TRIM2: variants seen among roughly 807,000 people sequenced by gnomAD.
TRIM2 encodes the protein tripartite motif containing 2, also known as tripartite motif-containing protein 2.
TRIM2 carries 20 observed loss-of-function variants against 75.2 expected under a neutral mutation model. The ratio of observed to expected loss-of-function variants is 0.27; its 90% CI spans 0.19 to 0.39. The LOEUF (loss-of-function observed/expected upper bound fraction) is 0.39, where lower values mean the gene tolerates loss of function less well. TRIM2 is among the 10% of genes least tolerant of loss of function. The probability of loss-of-function intolerance (pLI) is 1.00; values close to 1 mark genes in which losing one functional copy is unlikely to be tolerated. For missense variants in TRIM2, 660 were observed against 990.8 expected, an observed-to-expected ratio of 0.67 and a Z score of 4.48; for synonymous variants, 373 against 388.3, an observed-to-expected ratio of 0.96 and a Z score of 0.46.
intron 1 of TRIM2, among the ~76,000 whole-genome samples, chr4:153,182,677 T>G (rs1270026485): frequency 1.3e-5 from 2 of 152,244 alleles, no homozygotes; most frequent in Admixed American, 6.5e-5. Context: ...TTTTATGATC[T>G]TATGGATTTC....
chr4:153,238,239 T>C (rs1274235125), intron 1 of TRIM2, among the ~76,000 whole-genome samples: 3 of 152,224 alleles, frequency 2.0e-5, no homozygotes, highest in Non-Finnish European at 1.5e-5. Context: ...ATAAGCCAAT[T>C]AACACATCAT....
chr4:153,220,141 T>C (rs1045896628), intron 1 of TRIM2, among the ~76,000 whole-genome samples: 3 of 152,120 alleles, frequency 2.0e-5, no homozygotes, highest in Non-Finnish European at 4.4e-5. Context: ...TGAGCCAGAA[T>C]TGGGTTAGAA....
Position 153,335,104 on chromosome 4 carries a change from G to GT in TRIM2, c.*139dup. On this transcript the variant is annotated 3_prime_UTR_variant, in exon 12 of 12. Transcript: ENST00000338700. ...GAACTTTCCAAGGTTATTTCTGAATGTAACAATTTCCTTAAAAATGACTTA... is the reference window on the plus strand; with the variant it reads ...GAACTTTCCAAGGTTATTTCTGAATGTTAACAATTTCCTTAAAAATGACTTA... 2 of 1,305,794 alleles carry GT rather than the reference G, an allele frequency of 1.5e-6. No homozygotes were observed. The highest frequency in any genetic ancestry group is 1.5e-5 in the African/African-American group (1 of 66,820). The allele number at this position is 1,305,794 out of a possible 1,614,324, so 80.9% of individuals were successfully genotyped here. A position where few individuals can be genotyped will look rare whatever the true frequency, so the allele number is the denominator to read the frequency against.
intron 8 of TRIM2, among the ~76,000 whole-genome samples, chr4:153,321,434 T>C (rs1272901821): frequency 6.6e-6 from 1 of 152,092 alleles, no homozygotes; most frequent in East Asian, 1.9e-4. Flanking sequence ...TCATGGCAAA[T>C]AGACATTTAA....
chr4:153,220,282 G>GT (rs1739589377), intron 1 of TRIM2, among the ~76,000 whole-genome samples: 1 of 150,340 alleles, frequency 6.7e-6, no homozygotes, highest in East Asian at 1.9e-4. Context: ...AAAGCTTTAG[G>GT]AAAAAAAAAA....
intron 3 of TRIM2, among the ~76,000 whole-genome samples, chr4:153,289,293 T>C (rs770044980): frequency 3.9e-5 from 6 of 152,178 alleles, no homozygotes; most frequent in Non-Finnish European, 7.3e-5. Flanking sequence ...TTTATATTTT[T>C]TTCGTTCCCC....
Position 153,335,573 on chromosome 4 carries a change from C to T in TRIM2, c.*607C>T, listed in dbSNP as rs1381437551. Reference sequence around the variant, plus strand: ...AGAACTTAAGTATCAGTGCAAATTTCTCAACCTTTCTGGGTTAGACAAAGA... The same window carrying T: ...AGAACTTAAGTATCAGTGCAAATTTTTCAACCTTTCTGGGTTAGACAAAGA... On this transcript the variant is annotated 3_prime_UTR_variant, in exon 12 of 12. Transcript: ENST00000338700. 1 of 985,312 alleles carries T rather than the reference C, an allele frequency of 1.0e-6. No individual in the cohort carries two copies. The highest frequency in any genetic ancestry group is 1.7e-5 in the African/African-American group (1 of 57,232). The allele number at this position is 985,312 out of a possible 1,614,324, so 61.0% of individuals were successfully genotyped here.
intron 3 of TRIM2, among the ~76,000 whole-genome samples, chr4:153,287,086 T>C (rs1760810002): frequency 6.6e-6 from 1 of 152,036 alleles, no homozygotes; most frequent in Non-Finnish European, 1.5e-5. Flanking sequence ...TCAATTGATA[T>C]TCCTGCCTCA....
At chr4:153,196,557 C>A (rs1015089651) in intron 1 of TRIM2, among the ~76,000 whole-genome samples, 13 of 152,154 alleles carry the variant, frequency 8.5e-5, no homozygotes, top group Non-Finnish European at 1.3e-4. Flanking sequence ...CATGGAAATG[C>A]TTTAGAACAG....
chr4:153,214,629 C>T (rs1737994498), intron 1 of TRIM2, among the ~76,000 whole-genome samples: 1 of 152,178 alleles, frequency 6.6e-6, no homozygotes, highest in African/African-American at 2.4e-5. Flanking sequence ...GTTTATGTTG[C>T]ACTTTTGACT....
intron 1 of TRIM2, among the ~76,000 whole-genome samples, chr4:153,231,302 CAT>C (rs1177661031): frequency 2.0e-5 from 3 of 152,134 alleles, no homozygotes; most frequent in Non-Finnish European, 4.4e-5. Flanking sequence ...AGTGTCAACT[CAT>C]ATGATACAGA....
At chr4:153,152,417 T>TATATATA (rs1269444324), upstream of TRIM2, 6 of 139,294 alleles carry the variant, frequency 4.3e-5, no homozygotes, top group Admixed American at 2.8e-4. Context: ...TGTATATATA[T>TATATATA]ATATATATAT....
intron 1 of TRIM2, among the ~76,000 whole-genome samples, chr4:153,187,928 T>G (rs960923662): frequency 6.6e-6 from 1 of 152,192 alleles, no homozygotes; most frequent in Non-Finnish European, 1.5e-5. Context: ...GGTCCTATTA[T>G]ATAACCCAAA....
At chr4:153,202,965 C>T (rs1734566836), upstream of TRIM2, among the ~76,000 whole-genome samples, 1 of 151,590 alleles carries the variant, frequency 6.6e-6, no homozygotes, top group African/African-American at 2.4e-5. Flanking sequence ...ATTAGCTGGT[C>T]GTGGTGGTGC....
At chr4:153,319,009 C>T (rs1344169903) in intron 8 of TRIM2, among the ~76,000 whole-genome samples, 2 of 152,136 alleles carry the variant, frequency 1.3e-5, no homozygotes, top group Admixed American at 1.3e-4. Context: ...CACTTTAGGA[C>T]CCTCACAGGA....
At chr4:153,208,633 C>A (rs1002569201) in intron 1 of TRIM2, among the ~76,000 whole-genome samples, 1 of 152,128 alleles carries the variant, frequency 6.6e-6, no homozygotes, top group Non-Finnish European at 1.5e-5. Context: ...GGGCAAGTCA[C>A]TTACCCTCTC....
Position 153,336,513 on chromosome 4 carries a change from G to A in TRIM2, c.*1547G>A. On this transcript the variant is annotated 3_prime_UTR_variant, in exon 12 of 12. Coordinates refer to ENST00000338700, the MANE Select transcript of TRIM2 (RefSeq NM_015271.5). Reference sequence around the variant, plus strand: ...TGTCATTGGTACTGTAAAATAAGCTGTGGTCTATTTCCACTGTTTAATTTT... The same window carrying A: ...TGTCATTGGTACTGTAAAATAAGCTATGGTCTATTTCCACTGTTTAATTTT... The A allele has an allele frequency of 1.3e-5, 13 of 985,750 alleles. No individual in the cohort carries two copies. The highest frequency in any genetic ancestry group is 1.6e-5 in the Non-Finnish European group (13 of 829,914). 61.1% of individuals were successfully genotyped at this position (985,750 alleles called of 1,614,324 possible).
At chr4:153,288,564 G>A (rs1233907995) in intron 3 of TRIM2, among the ~76,000 whole-genome samples, 1 of 152,172 alleles carries the variant, frequency 6.6e-6, no homozygotes, top group Non-Finnish European at 1.5e-5. Flanking sequence ...TTCCTGGTTT[G>A]GATGTCTTTG....
rs376790745 is a variant in TRIM2 at position 153,249,578 on chromosome 4, T to TCCGCCTCGGCCACCTCCCTGCTC, written c.31-20728_31-20706dup. On this transcript the variant is annotated intron_variant, in intron 1 of 11. Coordinates refer to ENST00000338700, the MANE Select transcript of TRIM2 (RefSeq NM_015271.5). ...AGAGGCAGGCATTATTAGCAGCGCG[T>TCCGCCTCGGCCACCTCCCTGCTC]CCGCCTCGGCCACCTCCCTGCTCCC... 6.2e-3 allele frequency among the ~76,000 whole-genome samples: 942 copies of TCCGCCTCGGCCACCTCCCTGCTC among 152,078 alleles called. 4 individuals carry two copies. Among genetic ancestry groups the TCCGCCTCGGCCACCTCCCTGCTC allele is most frequent in the South Asian group, 8.7e-3 (42 of 4,806 alleles).
Sources: allele counts gnomAD v4.1 joint callset (sites outside exome capture counted in the v4.1 genomes callset), GRCh38; gene constraint gnomAD v4.1.1; transcripts MANE v1.5; gene names NCBI Gene and HGNC (gene_info 2026-07-23, HGNC 2026-07-21).